NRG3: variants seen among roughly 807,000 people sequenced by gnomAD.
NRG3 encodes the protein neuregulin 3, also known as pro-neuregulin-3, membrane-bound isoform.
NRG3 carries 31 observed loss-of-function variants against 66.9 expected under a neutral mutation model. That is an observed-to-expected ratio of 0.46 (90% CI 0.35 to 0.63). NRG3 has a LOEUF of 0.63. Ranked by LOEUF, NRG3 falls within the 20% of genes least tolerant of loss-of-function variation. The pLI is 0.00. For synonymous variants in NRG3, 393 were observed against 359.4 expected (o/e 1.09, Z -1.06); for missense variants, 910 against 878.9 (o/e 1.04, Z -0.45).
At chr10:82,694,904 C>CTTAT (rs759849887) in intron 2 of NRG3, among the ~76,000 whole-genome samples, 4 of 152,094 alleles carry the variant, frequency 2.6e-5, no homozygotes, top group Non-Finnish European at 4.4e-5. Context: ...CTAGTAGGAA[C>CTTAT]TTAAATAGAT....
intron 3 of NRG3, chr10:82,827,314 C>G (rs963794331): frequency 1.0e-5 from 3 of 295,788 alleles, no homozygotes; most frequent in Non-Finnish European, 2.0e-5. Context: ...ACACAGATGA[C>G]TGTGACTTGC....
At chr10:82,783,955 C>T (rs1349669940) in intron 3 of NRG3, among the ~76,000 whole-genome samples, 3 of 151,892 alleles carry the variant, frequency 2.0e-5, no homozygotes. Flanking sequence ...TGACTTCAAA[C>T]TATACTACAA....
intron 2 of NRG3, among the ~76,000 whole-genome samples, chr10:82,629,283 AAT>A (rs1038306309): frequency 6.6e-6 from 1 of 152,234 alleles, no homozygotes; most frequent in African/African-American, 2.4e-5. Context: ...AAGGGATTCA[AAT>A]ACCTATAATG....
At chr10:82,310,008 A>C (rs1589675174) in intron 1 of NRG3, among the ~76,000 whole-genome samples, 1 of 152,078 alleles carries the variant, frequency 6.6e-6, no homozygotes, top group African/African-American at 2.4e-5. Flanking sequence ...TCCCCTTCCT[A>C]CTTTTGCTGT....
chr10:82,873,797 C>A (rs571053931), intron 4 of NRG3, among the ~76,000 whole-genome samples: 2 of 152,152 alleles, frequency 1.3e-5, no homozygotes, highest in Non-Finnish European at 2.9e-5. Context: ...TCATTCTCAT[C>A]GGGTAAACGA....
intron 2 of NRG3, among the ~76,000 whole-genome samples, chr10:82,387,094 C>T (rs549449948): frequency 1.6e-4 from 24 of 152,340 alleles, no homozygotes; most frequent in African/African-American, 4.8e-4. Flanking sequence ...GCCACCGCAC[C>T]CAGCCTTGAC....
intron 3 of NRG3, among the ~76,000 whole-genome samples, chr10:82,803,853 A>G (rs367704071): frequency 2.6e-5 from 4 of 152,208 alleles, no homozygotes; most frequent in Admixed American, 1.3e-4. Flanking sequence ...CTCCTTATCC[A>G]TGGCTTCACT....
intron 4 of NRG3, among the ~76,000 whole-genome samples, chr10:82,920,733 T>C (rs549253839): frequency 1.3e-5 from 2 of 152,152 alleles, no homozygotes; most frequent in South Asian, 4.1e-4. Flanking sequence ...AAAATGACAA[T>C]GATATGGGCA....
intron 1 of NRG3, among the ~76,000 whole-genome samples, chr10:81,899,101 A>G (rs1843786157): frequency 6.6e-6 from 1 of 152,234 alleles, no homozygotes; most frequent in Non-Finnish European, 1.5e-5. Context: ...AGATTGATTA[A>G]TAAGGTCTTA....
rs78774385 is a variant in NRG3 at position 82,803,574 on chromosome 10, A to AT, written c.1028-61830dup. ...GAGTTTCTTTTTCTTTCATTCATTCATTTTTTTGACTTTATGAGAGAATCA... is the reference window on the plus strand; with the variant it reads ...GAGTTTCTTTTTCTTTCATTCATTCATTTTTTTTGACTTTATGAGAGAATCA... On this transcript the variant is annotated intron_variant, in intron 3 of 8. Coordinates refer to ENST00000372141, the MANE Select transcript of NRG3 (RefSeq NM_001010848.4). Among the ~76,000 whole-genome samples the AT allele has an allele frequency of 6.7e-3, 1,026 of 152,104 alleles. 15 individuals carry two copies. The highest frequency in any genetic ancestry group is 0.023 in the African/African-American group (948 of 41,488).
intron 2 of NRG3, among the ~76,000 whole-genome samples, chr10:82,366,416 A>C (rs1170974803): frequency 6.6e-6 from 1 of 152,196 alleles, no homozygotes; most frequent in East Asian, 1.9e-4. Context: ...TGTCTACTGT[A>C]TATTCTCAGG....
intron 1 of NRG3, among the ~76,000 whole-genome samples, chr10:82,017,572 C>T (rs1353917796): frequency 1.3e-5 from 2 of 152,034 alleles, no homozygotes; most frequent in Non-Finnish European, 2.9e-5. Flanking sequence ...AAAAGTGTTC[C>T]TATTTCTCCA....
At chr10:82,156,960 G>A (rs1031423115) in intron 1 of NRG3, among the ~76,000 whole-genome samples, 3 of 151,526 alleles carry the variant, frequency 2.0e-5, no homozygotes, top group Non-Finnish European at 4.4e-5. Flanking sequence ...TTAATTTATT[G>A]CTTAATTTTC....
chr10:82,217,332 G>A (rs1475669778), intron 1 of NRG3, among the ~76,000 whole-genome samples: 1 of 152,138 alleles, frequency 6.6e-6, no homozygotes, highest in Non-Finnish European at 1.5e-5. Flanking sequence ...ACACTTCTTA[G>A]CTCAGATGTT....
intron 2 of NRG3, among the ~76,000 whole-genome samples, chr10:82,596,188 A>G (rs982697920): frequency 2.0e-5 from 3 of 152,156 alleles, no homozygotes; most frequent in Non-Finnish European, 2.9e-5. Flanking sequence ...ACAATCAGTC[A>G]GAGACAAAGA....
chr10:82,783,300 A>G (rs1423965926), intron 3 of NRG3, among the ~76,000 whole-genome samples: 1 of 150,978 alleles, frequency 6.6e-6, no homozygotes, highest in Non-Finnish European at 1.5e-5. Context: ...CTGGCACAAG[A>G]CAGGGATGCC....
At chr10:82,887,309 G>C (rs1442780870) in intron 4 of NRG3, among the ~76,000 whole-genome samples, 2 of 152,158 alleles carry the variant, frequency 1.3e-5, no homozygotes, top group Admixed American at 6.5e-5. Flanking sequence ...CTGAAAGTGT[G>C]ATGCTCCTCT....
At chr10:82,403,181 T>C (rs1466510909) in intron 2 of NRG3, among the ~76,000 whole-genome samples, 1 of 152,126 alleles carries the variant, frequency 6.6e-6, no homozygotes, top group Non-Finnish European at 1.5e-5. Context: ...ATAAAAGCAT[T>C]GACTTAATGA....
chr10:82,551,556 C>T (rs978801496), intron 2 of NRG3, among the ~76,000 whole-genome samples: 17 of 151,132 alleles, frequency 1.1e-4, no homozygotes, highest in Non-Finnish European at 1.3e-4. Flanking sequence ...GACTAGATGA[C>T]GATGATAAAG....
Sources: allele counts gnomAD v4.1 joint callset (sites outside exome capture counted in the v4.1 genomes callset), GRCh38; gene constraint gnomAD v4.1.1; transcripts MANE v1.5; gene names NCBI Gene and HGNC (gene_info 2026-07-23, HGNC 2026-07-21).